Variants in PIBF1 observed in about 807,000 individuals in gnomAD.
The protein encoded by PIBF1 is progesterone immunomodulatory binding factor 1.
A neutral mutation model predicts 112.5 loss-of-function variants in PIBF1; 90 were observed. The observed-to-expected ratio is 0.80, with a 90% confidence interval of 0.67 to 0.95. The LOEUF (loss-of-function observed/expected upper bound fraction) is 0.95, where lower values mean the gene tolerates loss of function less well. PIBF1 is among the 40% of genes least tolerant of loss of function. The pLI is 0.00. For synonymous variants in PIBF1, 301 were observed against 288.6 expected (o/e 1.04, Z -0.44); for missense variants, 915 against 852.3 (o/e 1.07, Z -0.92).
intron 5 of PIBF1, among the ~76,000 whole-genome samples, chr13:72,816,383 C>G (rs1045275098): frequency 6.6e-6 from 1 of 152,166 alleles, no homozygotes; most frequent in Non-Finnish European, 1.5e-5. Context: ...TGGCTCACGC[C>G]TGTAATCCCA....
chr13:72,978,893 G>A (rs1438525461), intron 16 of PIBF1, among the ~76,000 whole-genome samples: 3 of 152,150 alleles, frequency 2.0e-5, no homozygotes, highest in African/African-American at 7.2e-5. Context: ...AAAGATTTGA[G>A]TATAAGAAAT....
intron 16 of PIBF1, among the ~76,000 whole-genome samples, chr13:72,997,311 T>C (rs1017054933): frequency 2.6e-5 from 4 of 152,178 alleles, no homozygotes; most frequent in African/African-American, 9.7e-5. Context: ...TGACATCAAA[T>C]CAATAATTAT....
intron 14 of PIBF1, among the ~76,000 whole-genome samples, chr13:72,963,098 T>C (rs1185075618): frequency 1.3e-5 from 2 of 152,106 alleles, no homozygotes; most frequent in African/African-American, 2.4e-5. Context: ...AAGAATGAAG[T>C]TGGACCCTTA....
At chr13:72,821,713 A>G in intron 5 of PIBF1, 136 bp from the exon 6 acceptor site, 1 of 571,158 alleles carries the variant, frequency 1.8e-6, no homozygotes. Context: ...AAATTACTAA[A>G]TTTAAAAATT....
intron 4 of PIBF1, 115 bp from the exon 5 acceptor site, chr13:72,797,792 T>C (rs1374591673): frequency 1.3e-6 from 1 of 742,896 alleles, no homozygotes; most frequent in Non-Finnish European, 2.1e-6. Flanking sequence ...AATGACTGTC[T>C]TGTTGTAGTT....
intron 8 of PIBF1, among the ~76,000 whole-genome samples, chr13:72,833,015 T>C (rs2037193011): frequency 6.6e-6 from 1 of 152,230 alleles, no homozygotes; most frequent in Non-Finnish European, 1.5e-5. Context: ...TTTCATTAAG[T>C]TGATCTTCAG....
At chr13:72,824,117 A>G (rs2036689236) in intron 6 of PIBF1, among the ~76,000 whole-genome samples, 1 of 151,798 alleles carries the variant, frequency 6.6e-6, no homozygotes, top group Non-Finnish European at 1.5e-5. Flanking sequence ...AGGTTCAAAC[A>G]ATTCTCCTGC....
intron 16 of PIBF1, among the ~76,000 whole-genome samples, chr13:72,976,051 C>G (rs1594302161): frequency 1.3e-5 from 2 of 152,096 alleles, no homozygotes; most frequent in Non-Finnish European, 2.9e-5. Flanking sequence ...AAATAAAAAC[C>G]AAAAAACTTT....
At chr13:72,791,745 G>A (rs1278578469) in intron 2 of PIBF1, among the ~76,000 whole-genome samples, 1 of 151,786 alleles carries the variant, frequency 6.6e-6, no homozygotes, top group Admixed American at 6.6e-5. Flanking sequence ...TGATTCTCCT[G>A]CCTCAGCCTC....
chr13:72,861,120 T>C (rs540456476), intron 10 of PIBF1, among the ~76,000 whole-genome samples: 15 of 152,226 alleles, frequency 9.9e-5, no homozygotes, highest in African/African-American at 3.6e-4. Context: ...TTTTCAGTTA[T>C]GGTTTGTTTT....
intron 14 of PIBF1, among the ~76,000 whole-genome samples, chr13:72,948,197 A>C (rs2042200776): frequency 6.6e-6 from 1 of 152,186 alleles, no homozygotes; most frequent in Admixed American, 6.5e-5. Context: ...CACGTTCTGC[A>C]CATGTATCCC....
At chr13:72,883,964 A>G (rs2039745656) in intron 10 of PIBF1, among the ~76,000 whole-genome samples, 1 of 152,166 alleles carries the variant, frequency 6.6e-6, no homozygotes, top group Admixed American at 6.6e-5. Flanking sequence ...ACATGCATAA[A>G]ATAACTAAAA....
chr13:72,816,120 T>C (rs2036260771), intron 5 of PIBF1, among the ~76,000 whole-genome samples: 2 of 152,198 alleles, frequency 1.3e-5, no homozygotes, highest in South Asian at 4.1e-4. Context: ...CTAGACCCAT[T>C]AGCTAGTGGG....
At chr13:72,813,393 C>T (rs2036113491) in intron 5 of PIBF1, among the ~76,000 whole-genome samples, 1 of 152,152 alleles carries the variant, frequency 6.6e-6, no homozygotes, top group African/African-American at 2.4e-5. Context: ...GCTAGTGTTC[C>T]AGTTACGTAT....
chr13:72,855,426 A>T (rs371651080), intron 10 of PIBF1, among the ~76,000 whole-genome samples: 17 of 152,262 alleles, frequency 1.1e-4, no homozygotes, highest in African/African-American at 3.6e-4. Flanking sequence ...AGGCAGGTGG[A>T]TAACTTGAGG....
At chr13:72,952,011 ATTTCTTTCTTTCT>A (rs2042310828) in intron 14 of PIBF1, among the ~76,000 whole-genome samples, 1 of 139,490 alleles carries the variant, frequency 7.2e-6, no homozygotes, top group South Asian at 2.3e-4. Context: ...ATTTCTTTTA[ATTTCTTTCTTTCT>A]TTTCTTTTCT....
chr13:72,975,192 A>T (rs898230964), intron 16 of PIBF1, among the ~76,000 whole-genome samples: 1 of 151,002 alleles, frequency 6.6e-6, no homozygotes, highest in African/African-American at 2.4e-5. Flanking sequence ...AGTACCCGGG[A>T]TTACAGGTGC....
chr13:72,831,591 A>C (rs7333860), intron 8 of PIBF1, among the ~76,000 whole-genome samples: 1 of 151,908 alleles, frequency 6.6e-6, no homozygotes, highest in African/African-American at 2.4e-5. Flanking sequence ...GAGTTTATTA[A>C]TCCTGAGTTC....
intron 5 of PIBF1, among the ~76,000 whole-genome samples, chr13:72,818,786 A>T (rs973981756): frequency 3.4e-5 from 5 of 145,308 alleles, no homozygotes; most frequent in African/African-American, 1.3e-4. Flanking sequence ...CTAGCTGAGC[A>T]CTACTGGCAA....
Sources: allele counts gnomAD v4.1 joint callset (sites outside exome capture counted in the v4.1 genomes callset), GRCh38; gene constraint gnomAD v4.1.1; transcripts MANE v1.5; gene names NCBI Gene and HGNC (gene_info 2026-07-23, HGNC 2026-07-21).